RFC3: variants seen among roughly 807,000 people sequenced by gnomAD.
RFC3 encodes A1 38 kDa subunit.
RFC3 carries 41 observed loss-of-function variants against 45.1 expected under a neutral mutation model. That is an observed-to-expected ratio of 0.91 (90% CI 0.71 to 1.18). The LOEUF (loss-of-function observed/expected upper bound fraction) is 1.18. RFC3 is among the 50% of genes most tolerant of loss of function. The pLI is 0.00. For missense variants in RFC3, 423 were observed against 428.1 expected (o/e 0.99, Z 0.10); for synonymous variants, 149 against 144.0 (o/e 1.03, Z -0.25).
At chr13:33,835,238 G>A in intron 8 of RFC3, 21 bp downstream of exon 8, 1 of 1,558,390 alleles carries the variant, frequency 6.4e-7, no homozygotes, top group Non-Finnish European at 8.9e-7. Context: ...TTCAGATCTT[G>A]AACTTTTTAC....
intron 8 of RFC3, among the ~76,000 whole-genome samples, chr13:33,869,390 G>A (rs1438225259): frequency 3.6e-5 from 3 of 83,040 alleles, no homozygotes; most frequent in Non-Finnish European, 9.7e-5. Flanking sequence ...AAAAAACTGT[G>A]TAGATTTTTT....
chr13:33,962,719 A>G (rs1005934841), intron 8 of RFC3, among the ~76,000 whole-genome samples: 1 of 152,212 alleles, frequency 6.6e-6, no homozygotes, highest in Non-Finnish European at 1.5e-5. Flanking sequence ...AATCAAAATA[A>G]AAGATTCTAA....
intron 8 of RFC3, among the ~76,000 whole-genome samples, chr13:33,910,673 T>C (rs2082698567): frequency 6.6e-6 from 1 of 152,050 alleles, no homozygotes; most frequent in African/African-American, 2.4e-5. Context: ...CAATAGGCTA[T>C]AAGAGCTCGA....
chr13:33,928,603 T>C (rs1159870066), intron 8 of RFC3, among the ~76,000 whole-genome samples: 1 of 152,152 alleles, frequency 6.6e-6, no homozygotes, highest in Non-Finnish European at 1.5e-5. Context: ...CCTTGCCTCT[T>C]CCCAACTCTA....
intron 2 of RFC3, among the ~76,000 whole-genome samples, chr13:33,821,503 G>C (rs1022515864): frequency 1.3e-5 from 2 of 152,210 alleles, no homozygotes; most frequent in Admixed American, 1.3e-4. Context: ...GTAAAATGTA[G>C]AGGGTGAGAT....
intron 5 of RFC3, among the ~76,000 whole-genome samples, chr13:33,830,382 C>T (rs1308552261): frequency 2.6e-5 from 4 of 152,058 alleles, no homozygotes; most frequent in Non-Finnish European, 2.9e-5. Flanking sequence ...TACCTAGTCC[C>T]TAGGAAGGGA....
chr13:33,932,160 G>A (rs1044047711), intron 8 of RFC3, among the ~76,000 whole-genome samples: 30 of 152,166 alleles, frequency 2.0e-4, no homozygotes, highest in Admixed American at 1.8e-3. Flanking sequence ...TCAATAGTCT[G>A]TTCCATTGTT....
At chr13:33,909,276 T>A (rs895357192) in intron 8 of RFC3, among the ~76,000 whole-genome samples, 1 of 152,036 alleles carries the variant, frequency 6.6e-6, no homozygotes, top group African/African-American at 2.4e-5. Context: ...TCACTTTATC[T>A]TCATAAAGAT....
At position 33,922,150 on chromosome 13, in the gene RFC3, C is replaced by CTT. The variant is rs11317609; in HGVS notation, c.880-43921_880-43920dup. The stretch of plus-strand genomic sequence containing the variant: ...ATCTTTAGAAGCCTCAGCTTCATTG[C>CTT]TTTTTTTTTTTTTTTTTACTGCTGT... On this transcript the variant is annotated intron_variant, in intron 8 of 8. Transcript: ENST00000434425. Among the ~76,000 whole-genome samples the CTT allele has an allele frequency of 7.2e-3, 907 of 126,520 alleles. 16 individuals carry two copies. Among genetic ancestry groups the CTT allele is most frequent in the African/African-American group, 0.023 (858 of 37,100 alleles). 83.0% of individuals were successfully genotyped at this position (126,520 alleles called of 152,430 possible).
chr13:33,966,012 T>C, intron 8 of RFC3: 1 of 1,080,200 alleles, frequency 9.3e-7, no homozygotes, highest in Non-Finnish European at 1.4e-6. Flanking sequence ...ACACATCCTT[T>C]GTATCCTCTA....
chr13:33,823,194 T>G (rs891133078), intron 2 of RFC3, among the ~76,000 whole-genome samples: 5 of 152,072 alleles, frequency 3.3e-5, no homozygotes, highest in Admixed American at 1.3e-4. Flanking sequence ...AAGTGAATTG[T>G]TAAACTGTTT....
chr13:33,883,503 TACAC>T (rs1470696167), intron 8 of RFC3, among the ~76,000 whole-genome samples: 3 of 151,932 alleles, frequency 2.0e-5, no homozygotes, highest in African/African-American at 7.3e-5. Context: ...TAACTAAAAT[TACAC>T]ACACACATAC....
chr13:33,836,698 A>G lies in RFC3; in HGVS notation c.*403A>G, dbSNP rs1399518042. 3.0e-6 allele frequency: 3 copies of G among 985,976 alleles called. No homozygotes were observed. Among genetic ancestry groups the G allele is most frequent in the Admixed American group, 1.2e-4 (2 of 16,376 alleles). The allele number at this position is 985,976 out of a possible 1,614,324, so 61.1% of individuals were successfully genotyped here. ...AGGTAACATGATTGTTTGACACACC[A>G]TTATATTTAATTCTAGTTTCTCTCA... On this transcript the variant is annotated 3_prime_UTR_variant, in exon 9 of 9. Transcript: ENST00000380071.
rs3135592 is a variant in RFC3 at position 33,828,874 on chromosome 13, G to A, written c.392-962G>A. On this transcript the variant is annotated intron_variant, in intron 4 of 8. Coordinates refer to ENST00000380071, the MANE Select transcript of RFC3 (RefSeq NM_002915.4). ...CAAATTGGCCGCACCATGGTTTCTA[G>A]TATGTTCCCGTGGGTGATTTTGAGC... 1.8e-4 allele frequency among the ~76,000 whole-genome samples: 28 copies of A among 152,256 alleles called. No individual in the cohort carries two copies. The East Asian group carries it at 4.4e-3, about 24-fold the overall frequency.
chr13:33,964,340 T>C (rs566890176), intron 8 of RFC3, among the ~76,000 whole-genome samples: 1 of 152,304 alleles, frequency 6.6e-6, no homozygotes, highest in African/African-American at 2.4e-5. Context: ...GAAAAGAATG[T>C]GATTCACAAC....
the RFC3 span, among the ~76,000 whole-genome samples, chr13:33,971,825 T>G: frequency 6.6e-6 from 1 of 152,234 alleles, no homozygotes; most frequent in East Asian, 1.9e-4. Context: ...ACTTTAAAAA[T>G]TCCTGGTCAG....
At position 33,948,231 on chromosome 13, in the gene RFC3, A is replaced by G. The variant is rs369265124; in HGVS notation, c.880-17856A>G. On this transcript the variant is annotated intron_variant, in intron 8 of 8. Transcript: ENST00000434425. The stretch of plus-strand genomic sequence containing the variant: ...GCTGCTTCAGCTCTAGCTGTGGCTA[A>G]AGGGGCCAAGGTACAGCTCAGGCCA... Among the ~76,000 whole-genome samples the G allele has an allele frequency of 1.7e-4, 26 of 152,300 alleles. No individual in the cohort carries two copies. The East Asian group carries it at 5.0e-3, about 30-fold the overall frequency.
intron 8 of RFC3, among the ~76,000 whole-genome samples, chr13:33,917,295 G>A (rs17080164): frequency 0.029 from 4,474 of 152,168 alleles, 104 homozygotes; most frequent in East Asian, 0.11. Context: ...TGCAAACAGA[G>A]TAGACTTTTA....
At chr13:33,860,913 A>ATT (rs199702942) in intron 8 of RFC3, among the ~76,000 whole-genome samples, 5 of 55,098 alleles carry the variant, frequency 9.1e-5, no homozygotes, top group African/African-American at 1.7e-4. Flanking sequence ...ATATATATAT[A>ATT]TATTTTTTTA....
Sources: gnomAD v4.1 joint callset for allele counts (sites outside exome capture counted in the v4.1 genomes callset) on GRCh38, gnomAD v4.1.1 for gene constraint, MANE v1.5 for transcripts, NCBI Gene and HGNC (gene_info 2026-07-23, HGNC 2026-07-21) for gene names.